The following SNTA1 variants were observed in gnomAD, a reference collection of about 807,000 sequenced individuals.
SNTA1 encodes syntrophin alpha 1, also known as alpha-1-syntrophin.
In SNTA1, 31 loss-of-function variants were observed where a neutral mutation model predicts 47.1. That is an observed-to-expected ratio of 0.66 (90% CI 0.49 to 0.89). SNTA1 has a LOEUF of 0.89. SNTA1 is among the 40% of genes least tolerant of loss of function. The probability of loss-of-function intolerance (pLI) is 0.00; values close to 1 mark genes in which losing one functional copy is unlikely to be tolerated. For synonymous variants in SNTA1, 300 were observed against 313.6 expected (o/e 0.96, Z 0.46); for missense variants, 575 against 693.0 (o/e 0.83, Z 1.91).
At chr20:33,421,336 G>T (rs972882704) in intron 2 of SNTA1, among the ~76,000 whole-genome samples, 2 of 152,232 alleles carry the variant, frequency 1.3e-5, no homozygotes, top group African/African-American at 4.8e-5. Context: ...ATAGGGCTGG[G>T]CACAGTGGCT....
chr20:33,440,063 T>G (rs1990541963), intron 1 of SNTA1, among the ~76,000 whole-genome samples: 1 of 149,738 alleles, frequency 6.7e-6, no homozygotes, highest in Non-Finnish European at 1.5e-5. Flanking sequence ...AGGCGGAGGT[T>G]GCAGTGAGCT....
rs554224001 is a variant in SNTA1, at chr20:33,443,292, C to T, written c.310+19G>A. On this transcript the variant is annotated intron_variant, in intron 1 of 7. Coordinates refer to ENST00000217381, the MANE Select transcript of SNTA1 (RefSeq NM_003098.3). ...CCCCCAGACACCACGACCCCGCGCCCTCGGTGTCCCGCGCCCACCTTTGAT... is the reference window on the plus strand; with the variant it reads ...CCCCCAGACACCACGACCCCGCGCCTTCGGTGTCCCGCGCCCACCTTTGAT... 28 of 1,502,368 alleles carry T rather than the reference C, an allele frequency of 1.9e-5. No homozygotes were observed. The Admixed American group carries it at 2.2e-4, about 12-fold the overall frequency. The allele number at this position is 1,502,368 out of a possible 1,614,324, so 93.1% of individuals were successfully genotyped here.
At chr20:33,411,382 C>G (rs1989738038) in intron 5 of SNTA1, among the ~76,000 whole-genome samples, 2 of 152,176 alleles carry the variant, frequency 1.3e-5, no homozygotes, top group South Asian at 4.2e-4. Context: ...CATTCCGGAC[C>G]CCTCCTTCAC....
chr20:33,412,303 C>T lies in SNTA1; in HGVS notation c.1033G>A (p.Ala345Thr), dbSNP rs150474420. The change falls in exon 5 of 8, where the codon GCC (alanine) becomes ACC (threonine). Residue 345 changes from alanine to threonine, a missense_variant. Ala to Thr is a moderately conservative substitution (Grantham distance 58). Transcript: ENST00000217381. ...SRPARTAPLIATRLVHSGPSK... is the reference protein window; with the variant it reads ...SRPARTAPLITTRLVHSGPSK... ...GCCCCTGCCTGTGGGTACCTGGTGG[C>T]GATGAGTGGGGCAGTACGGGCTGGC... 1.4e-5 allele frequency: 23 copies of T among 1,611,014 alleles called. No individual in the cohort carries two copies. In the African/African-American group the frequency reaches 2.1e-4, roughly 15 times the overall value.
chr20:33,416,058 A>T (rs1203159656), intron 3 of SNTA1, among the ~76,000 whole-genome samples: 1 of 152,128 alleles, frequency 6.6e-6, no homozygotes, highest in Non-Finnish European at 1.5e-5. Context: ...CAGTGAGCCA[A>T]GATTACACCA....
rs368160623 is a variant in SNTA1, at chr20:33,435,154, G to C, written c.496+3687C>G. On this transcript the variant is annotated intron_variant, in intron 2 of 7. Coordinates refer to ENST00000217381, the MANE Select transcript of SNTA1 (RefSeq NM_003098.3). ...TACAGGCACGCGCCACCATGGCTCA[G>C]CTAATTTTTGTATTTTTAGTAGAGA... 1.3e-4 allele frequency among the ~76,000 whole-genome samples: 19 copies of C among 150,986 alleles called. No individual in the cohort carries two copies. The Middle Eastern group carries it at 0.017, about 136-fold the overall frequency.
intron 2 of SNTA1, among the ~76,000 whole-genome samples, chr20:33,432,970 C>T (rs1313104882): frequency 6.6e-6 from 1 of 152,052 alleles, no homozygotes; most frequent in Non-Finnish European, 1.5e-5. Context: ...CACTCTGTCA[C>T]CCAAGCTGGA....
intron 1 of SNTA1, among the ~76,000 whole-genome samples, chr20:33,441,951 C>T (rs1384848213): frequency 6.6e-6 from 1 of 152,046 alleles, no homozygotes; most frequent in Non-Finnish European, 1.5e-5. Context: ...CTTTTTAGCC[C>T]CTCTTGGTTG....
chr20:33,426,052 C>T (rs1165621750), intron 2 of SNTA1, among the ~76,000 whole-genome samples: 7 of 148,192 alleles, frequency 4.7e-5, no homozygotes, highest in Non-Finnish European at 7.5e-5. Context: ...CTCCAGCCTG[C>T]GTGACAGAGC....
At chr20:33,433,503 T>C (rs1600859189) in intron 2 of SNTA1, among the ~76,000 whole-genome samples, 1 of 150,566 alleles carries the variant, frequency 6.6e-6, no homozygotes, top group South Asian at 2.1e-4. Context: ...CTGACCTCAG[T>C]TGATCTGCCT....
At chr20:33,441,766 T>C (rs2146812254) in intron 1 of SNTA1, among the ~76,000 whole-genome samples, 1 of 152,280 alleles carries the variant, frequency 6.6e-6, no homozygotes, top group East Asian at 1.9e-4. Context: ...CCTTGCAAAG[T>C]CCCTGCTCCT....
At chr20:33,426,426 G>A (rs1990172465) in intron 2 of SNTA1, among the ~76,000 whole-genome samples, 1 of 150,384 alleles carries the variant, frequency 6.6e-6, no homozygotes, top group African/African-American at 2.5e-5. Context: ...ACTCCAGCCA[G>A]GGTGACAGAG....
intron 2 of SNTA1, among the ~76,000 whole-genome samples, chr20:33,432,270 C>T (rs886606544): frequency 2.6e-5 from 4 of 152,182 alleles, no homozygotes; most frequent in Non-Finnish European, 4.4e-5. Flanking sequence ...AGGCAGGACA[C>T]CTGGCAGTGG....
At chr20:33,437,355 G>C (rs148774846) in intron 2 of SNTA1, among the ~76,000 whole-genome samples, 1,652 of 150,968 alleles carry the variant, frequency 0.011, 28 homozygotes, top group African/African-American at 0.039. Flanking sequence ...TGAGCCCCGG[G>C]GGGTGGAGGG....
intron 6 of SNTA1, 122 bp downstream of exon 6, chr20:33,410,013 A>C (rs752990910): frequency 7.0e-5 from 68 of 969,366 alleles, no homozygotes; most frequent in Non-Finnish European, 1.0e-4. Context: ...TGATCCACCC[A>C]CCTTGACCTC....
At chr20:33,427,417 C>T (rs1419359005) in intron 2 of SNTA1, among the ~76,000 whole-genome samples, 2 of 152,078 alleles carry the variant, frequency 1.3e-5, no homozygotes, top group Admixed American at 1.3e-4. Context: ...GTGAAGAGGA[C>T]TTGGGATTCC....
rs1471172997 is a variant in SNTA1, at chr20:33,438,878, C to A, written c.459G>T (p.Gln153His). 7.4e-6 allele frequency: 12 copies of A among 1,614,086 alleles called. No homozygotes were observed. The highest frequency in any genetic ancestry group is 1.7e-5 in the Admixed American group (1 of 59,998). The change falls in exon 2 of 8, where the codon CAG (glutamine) becomes CAT (histidine). Residue 153 changes from glutamine to histidine, a missense_variant. By Grantham distance (24) the Gln-to-His change is conservative (BLOSUM62 0). Transcript: ENST00000217381. ...LSSATHDEAVQVLKKTGKEVV... is the reference protein window; with the variant it reads ...LSSATHDEAVHVLKKTGKEVV... Reference sequence around the variant, plus strand: ...CCTCCTTGCCTGTCTTCTTGAGGACCTGCACCGCCTCATCATGGGTAGCAG... The same window carrying A: ...CCTCCTTGCCTGTCTTCTTGAGGACATGCACCGCCTCATCATGGGTAGCAG...
At chr20:33,428,128 C>G (rs112609460) in intron 2 of SNTA1, among the ~76,000 whole-genome samples, 1 of 151,952 alleles carries the variant, frequency 6.6e-6, no homozygotes, top group Admixed American at 6.6e-5. Context: ...AATGAGGGGC[C>G]GGGCACAGTG....
At position 33,443,452 on chromosome 20, in the gene SNTA1, G is replaced by A; in HGVS notation, c.169C>T (p.Arg57Trp). ...TTGAGCTGCGCGGGCTCCTGCTCCC[G>A]CGGAGCGCCGGGCTCGGGACCAGGG... The part of the protein sequence containing the change: ...GDPGPEPGAP[R>W]EQEPAQLNGA... The change falls in exon 1 of 8, where the codon CGG (arginine) becomes TGG (tryptophan). Residue 57 changes from arginine (R) to tryptophan (W), a missense_variant. Coordinates refer to ENST00000217381, the MANE Select transcript of SNTA1 (RefSeq NM_003098.3). 1 of 1,363,402 alleles carries A rather than the reference G, an allele frequency of 7.3e-7. No homozygotes were observed. The highest frequency in any genetic ancestry group is 9.5e-7 in the Non-Finnish European group (1 of 1,056,236). The allele number at this position is 1,363,402 out of a possible 1,614,324, so 84.5% of individuals were successfully genotyped here. A position where few individuals can be genotyped will look rare whatever the true frequency, so the allele number is the denominator to read the frequency against.
Sources: gnomAD v4.1 joint callset for allele counts (sites outside exome capture counted in the v4.1 genomes callset) on GRCh38, gnomAD v4.1.1 for gene constraint, MANE v1.5 for transcripts, NCBI Gene and HGNC (gene_info 2026-07-23, HGNC 2026-07-21) for gene names.